The following ACTL8 variants were observed in gnomAD, a reference collection of about 807,000 sequenced individuals.
ACTL8 encodes the protein actin-like protein 8.
In ACTL8, 3 loss-of-function variants were observed where a neutral mutation model predicts 9.3. The ratio of observed to expected loss-of-function variants is 0.32; its 90% CI spans 0.15 to 0.83. The LOEUF is 0.83. Among genes scored for constraint, ACTL8 ranks in the 40% least tolerant of loss-of-function variants. The pLI, the probability that ACTL8 is intolerant of heterozygous loss-of-function variation, is 0.57. For missense variants in ACTL8, 381 were observed against 492.2 expected (o/e 0.77, Z 2.14); for synonymous variants, 224 against 205.9 (o/e 1.09, Z -0.75).
At chr1:17,819,765 T>G (rs2053634728) in intron 1 of ACTL8, among the ~76,000 whole-genome samples, 1 of 152,200 alleles carries the variant, frequency 6.6e-6, no homozygotes, top group African/African-American at 2.4e-5. Flanking sequence ...GTGTGGTGGC[T>G]TACAACTGTA....
chr1:17,794,245 G>A (rs1032935400), intron 1 of ACTL8, among the ~76,000 whole-genome samples: 1 of 152,236 alleles, frequency 6.6e-6, no homozygotes, highest in African/African-American at 2.4e-5. Context: ...TAAGAGCCCA[G>A]TGGAGTGGAA....
intron 1 of ACTL8, among the ~76,000 whole-genome samples, chr1:17,789,039 G>A (rs907509994): frequency 1.3e-5 from 2 of 152,188 alleles, no homozygotes; most frequent in African/African-American, 2.4e-5. Flanking sequence ...TTCTATTTAT[G>A]TTCTCATTTC....
intron 1 of ACTL8, among the ~76,000 whole-genome samples, chr1:17,765,983 C>T (rs1382152883): frequency 6.6e-6 from 1 of 152,158 alleles, no homozygotes; most frequent in Admixed American, 6.5e-5. Context: ...TGTGGCCTGC[C>T]CTCCTGCAGA....
chr1:17,801,224 A>G (rs2066320541), intron 1 of ACTL8, among the ~76,000 whole-genome samples: 1 of 152,224 alleles, frequency 6.6e-6, no homozygotes, highest in Non-Finnish European at 1.5e-5. Context: ...TCCTCCTTGC[A>G]GATGAGACAA....
rs986026176 is a variant in ACTL8 at position 17,780,877 on chromosome 1, G to A, written c.-25+25373G>A. On this transcript the variant is annotated intron_variant, in intron 1 of 2. Transcript: ENST00000375406. ...ATTTGGCAACTGCTGGTCTGTATCCGGGAGGTTCTAAACTGGAGTCTGTGG... is the reference window on the plus strand; with the variant it reads ...ATTTGGCAACTGCTGGTCTGTATCCAGGAGGTTCTAAACTGGAGTCTGTGG... Among the ~76,000 whole-genome samples, 59 of 152,152 alleles carry A rather than the reference G, an allele frequency of 3.9e-4. 2 individuals carry two copies. Among genetic ancestry groups the A allele is most frequent in the Admixed American group, 3.5e-3 (53 of 15,284 alleles).
intron 1 of ACTL8, among the ~76,000 whole-genome samples, chr1:17,777,406 G>T (rs2066125660): frequency 6.6e-6 from 1 of 152,122 alleles, no homozygotes; most frequent in African/African-American, 2.4e-5. Flanking sequence ...GGCTCATGCT[G>T]TTCCCACTTG....
intron 1 of ACTL8, among the ~76,000 whole-genome samples, chr1:17,805,621 C>T (rs560380482): frequency 3.3e-5 from 5 of 151,990 alleles, no homozygotes; most frequent in African/African-American, 1.2e-4. Flanking sequence ...CCTTGTGATC[C>T]ACCGCCTCAG....
chr1:17,804,595 T>G (rs1168571426), intron 1 of ACTL8, among the ~76,000 whole-genome samples: 3 of 151,488 alleles, frequency 2.0e-5, no homozygotes, highest in Non-Finnish European at 4.4e-5. Flanking sequence ...TCCTTTCATC[T>G]TTGTCCCCAT....
At chr1:17,825,096 G>T (rs1031700691) in intron 2 of ACTL8, among the ~76,000 whole-genome samples, 1 of 127,448 alleles carries the variant, frequency 7.8e-6, no homozygotes, top group Admixed American at 8.5e-5. Context: ...GCTTTGTAAA[G>T]ATTCAGGGGG....
chr1:17,802,071 G>A (rs72931120), intron 1 of ACTL8, among the ~76,000 whole-genome samples: 158 of 152,308 alleles, frequency 1.0e-3, no homozygotes, highest in African/African-American at 3.6e-3. Context: ...ACAAGAAAAT[G>A]GATGCCCTGC....
chr1:17,763,841 C>T (rs1432451846), intron 1 of ACTL8, among the ~76,000 whole-genome samples: 4 of 152,126 alleles, frequency 2.6e-5, no homozygotes, highest in Admixed American at 6.5e-5. Flanking sequence ...CTTCCGCCCT[C>T]GGGAAACAGG....
intron 1 of ACTL8, among the ~76,000 whole-genome samples, chr1:17,786,739 G>T (rs1262178333): frequency 6.6e-6 from 1 of 152,084 alleles, no homozygotes; most frequent in Non-Finnish European, 1.5e-5. Context: ...TCACTCTGTT[G>T]CCCAGGCTGG....
At chr1:17,815,576 A>G (rs1221323541) in intron 1 of ACTL8, among the ~76,000 whole-genome samples, 1 of 152,160 alleles carries the variant, frequency 6.6e-6, no homozygotes, top group African/African-American at 2.4e-5. Flanking sequence ...GATTCTTTGA[A>G]GATTTAAAAA....
In ACTL8 at chr1:17,789,749, G is replaced by T. The variant is rs1301901267; in HGVS notation, c.-24-33236G>T. On this transcript the variant is annotated intron_variant, in intron 1 of 2. Coordinates refer to ENST00000375406, the MANE Select transcript of ACTL8 (RefSeq NM_030812.3). The stretch of plus-strand genomic sequence containing the variant: ...TACTCTAGGTCACACAGCTGTTTGT[G>T]CCTAGAGGTGGGAGAAAGAGAGATA... 3.3e-5 allele frequency among the ~76,000 whole-genome samples: 5 copies of T among 152,156 alleles called. No homozygotes were observed. In the East Asian group the frequency reaches 9.6e-4, roughly 29 times the overall value.
At chr1:17,801,926 T>C (rs767020834) in intron 1 of ACTL8, among the ~76,000 whole-genome samples, 5 of 152,216 alleles carry the variant, frequency 3.3e-5, no homozygotes, top group Non-Finnish European at 5.9e-5. Flanking sequence ...TACAGATGGG[T>C]ATATGAAGGG....
At chr1:17,802,999 TAACA>T (rs1164847563) in intron 1 of ACTL8, among the ~76,000 whole-genome samples, 4 of 152,048 alleles carry the variant, frequency 2.6e-5, no homozygotes, top group Non-Finnish European at 4.4e-5. Flanking sequence ...AAAAATAAAA[TAACA>T]AACAGTGATA....
intron 1 of ACTL8, among the ~76,000 whole-genome samples, chr1:17,779,308 G>C (rs952526357): frequency 2.0e-5 from 3 of 152,066 alleles, no homozygotes; most frequent in African/African-American, 7.2e-5. Context: ...CCTTCGCCTT[G>C]TACCTTGCAT....
chr1:17,825,073 G>A (rs2053702469), intron 2 of ACTL8, among the ~76,000 whole-genome samples: 1 of 146,170 alleles, frequency 6.8e-6, no homozygotes, highest in Non-Finnish European at 1.5e-5. Context: ...GCTGAGGAAT[G>A]GGGGGCAGGG....
At chr1:17,819,688 C>CACCT (rs556303237) in intron 1 of ACTL8, among the ~76,000 whole-genome samples, 225 of 152,332 alleles carry the variant, frequency 1.5e-3, no homozygotes, top group African/African-American at 5.1e-3. Context: ...TGAGTTCATA[C>CACCT]ACCTTTCATT....
Sources: allele counts gnomAD v4.1 joint callset (sites outside exome capture counted in the v4.1 genomes callset), GRCh38; gene constraint gnomAD v4.1.1; transcripts MANE v1.5; gene names NCBI Gene and HGNC (gene_info 2026-07-23, HGNC 2026-07-21).